Variants in ATXN1 observed in about 807,000 individuals in gnomAD.
ATXN1 encodes the protein ataxin-1.
Under a neutral mutation model 56.4 loss-of-function variants are expected in ATXN1, and 8 were observed. The observed-to-expected ratio is 0.14, with a 90% CI of 0.08 to 0.26. ATXN1 has a LOEUF of 0.26. ATXN1 is among the 10% of genes least tolerant of loss of function. The pLI, the probability that ATXN1 is intolerant of heterozygous loss-of-function variation, is 1.00. For synonymous variants in ATXN1, 514 were observed against 494.6 expected (o/e 1.04, Z -0.52); for missense variants, 987 against 1,106.5 (o/e 0.89, Z 1.53).
At chr6:16,559,512 T>C (rs1762076607) in intron 4 of ATXN1, among the ~76,000 whole-genome samples, 1 of 152,030 alleles carries the variant, frequency 6.6e-6, no homozygotes, top group Non-Finnish European at 1.5e-5. Flanking sequence ...CACTGTTAGG[T>C]GAAAAGAGGT....
At chr6:16,689,756 G>T (rs1759004756) in intron 2 of ATXN1, among the ~76,000 whole-genome samples, 1 of 151,720 alleles carries the variant, frequency 6.6e-6, no homozygotes, top group Non-Finnish European at 1.5e-5. Flanking sequence ...TTTTTATAAT[G>T]AAGACATTTA....
intron 3 of ATXN1, among the ~76,000 whole-genome samples, chr6:16,630,134 C>T (rs1411304165): frequency 6.6e-6 from 1 of 152,144 alleles, no homozygotes; most frequent in Non-Finnish European, 1.5e-5. Context: ...CTGAGGACTC[C>T]TCCTCTCAGG....
intron 6 of ATXN1, among the ~76,000 whole-genome samples, chr6:16,403,288 C>T (rs1225314400): frequency 1.3e-5 from 2 of 152,118 alleles, no homozygotes; most frequent in Non-Finnish European, 2.9e-5. Flanking sequence ...CCCAGGTCCT[C>T]GGCTTCTCAG....
chr6:16,748,778 A>T (rs1298285171), intron 2 of ATXN1, among the ~76,000 whole-genome samples: 1 of 152,174 alleles, frequency 6.6e-6, no homozygotes, highest in East Asian at 1.9e-4. Flanking sequence ...GATGAAAGTT[A>T]AATAAGTCAC....
chr6:16,478,126 G>A (rs1160907967), intron 6 of ATXN1, among the ~76,000 whole-genome samples: 2 of 152,188 alleles, frequency 1.3e-5, no homozygotes, highest in Non-Finnish European at 2.9e-5. Flanking sequence ...TGACAGTGAT[G>A]AGATACTGAT....
chr6:16,645,927 T>C (rs1763791487), intron 3 of ATXN1, among the ~76,000 whole-genome samples: 1 of 152,130 alleles, frequency 6.6e-6, no homozygotes, highest in African/African-American at 2.4e-5. Context: ...TGGTGCAAGA[T>C]GTATCTCCAA....
rs796095665 is a variant in ATXN1, at chr6:16,579,920, CA to C, written c.-361+5859del. 6.0e-5 allele frequency among the ~76,000 whole-genome samples: 9 copies of C among 149,776 alleles called. No homozygotes were observed. The East Asian group carries it at 9.8e-4, about 16-fold the overall frequency. Reference sequence around the variant, plus strand: ...GAGGGACAGCATATAATTGCCAACTCAAAAAAAAACTACCTTCCCAAATTTT... The same window carrying C: ...GAGGGACAGCATATAATTGCCAACTCAAAAAAAACTACCTTCCCAAATTTT... On this transcript the variant is annotated intron_variant, in intron 4 of 7. Coordinates refer to ENST00000436367, the MANE Select transcript of ATXN1 (RefSeq NM_001128164.2).
intron 3 of ATXN1, among the ~76,000 whole-genome samples, chr6:16,606,455 T>C (rs1238133416): frequency 1.3e-5 from 2 of 152,062 alleles, no homozygotes; most frequent in East Asian, 1.9e-4. Flanking sequence ...TCTGGAGCCA[T>C]GCAGGGGATA....
chr6:16,415,625 G>A (rs73724866), intron 6 of ATXN1, among the ~76,000 whole-genome samples: 20,225 of 152,284 alleles, frequency 0.13, 1,425 homozygotes, highest in Admixed American at 0.15. Context: ...AGCAGAGAAA[G>A]GGACCTGTGA....
At chr6:16,311,586 C>T (rs1760391411) in intron 7 of ATXN1, among the ~76,000 whole-genome samples, 1 of 152,184 alleles carries the variant, frequency 6.6e-6, no homozygotes, top group Non-Finnish European at 1.5e-5. Flanking sequence ...TTCAAAACTA[C>T]ATTTACATCA....
intron 4 of ATXN1, among the ~76,000 whole-genome samples, chr6:16,526,737 C>T (rs1427879715): frequency 6.7e-6 from 1 of 149,126 alleles, no homozygotes; most frequent in African/African-American, 2.5e-5. Context: ...TGCACTCCAG[C>T]CTGGGCAACA....
Position 16,300,781 on chromosome 6 carries a change from T to C in ATXN1, c.*5548A>G, listed in dbSNP as rs1234068369. 1 of 152,708 alleles carries C rather than the reference T, an allele frequency of 6.5e-6. No individual in the cohort carries two copies. The highest frequency in any genetic ancestry group is 2.4e-5 in the African/African-American group (1 of 41,564). 9.5% of individuals were successfully genotyped at this position (152,708 alleles called of 1,614,324 possible). ...TCTTTGGGTTTATAGGAACAGGAAG[T>C]GCTGAAAATGTCAAACATCATCTCT... On this transcript the variant is annotated 3_prime_UTR_variant, in exon 8 of 8. Coordinates refer to ENST00000436367, the MANE Select transcript of ATXN1 (RefSeq NM_001128164.2).
At chr6:16,535,907 TC>T (rs1214481147) in intron 4 of ATXN1, among the ~76,000 whole-genome samples, 1 of 152,146 alleles carries the variant, frequency 6.6e-6, no homozygotes, top group Non-Finnish European at 1.5e-5. Flanking sequence ...TTGTGGACTG[TC>T]CCTCAATTTG....
At chr6:16,397,259 GTTTTTTGT>G (rs1421507479) in intron 6 of ATXN1, among the ~76,000 whole-genome samples, 1 of 151,728 alleles carries the variant, frequency 6.6e-6, no homozygotes, top group Non-Finnish European at 1.5e-5. Flanking sequence ...TTTTTGTTTT[GTTTTTTGT>G]TTTTTTGTTT....
intron 4 of ATXN1, among the ~76,000 whole-genome samples, chr6:16,572,016 T>C (rs1762341171): frequency 6.6e-6 from 1 of 152,218 alleles, no homozygotes; most frequent in Non-Finnish European, 1.5e-5. Context: ...TGCAATGCTA[T>C]GTAAGTCATG....
intron 5 of ATXN1, among the ~76,000 whole-genome samples, chr6:16,519,110 T>C (rs1229429811): frequency 6.6e-6 from 1 of 152,180 alleles, no homozygotes; most frequent in Non-Finnish European, 1.5e-5. Context: ...AATGTCATGG[T>C]TACTATCTGC....
intron 6 of ATXN1, among the ~76,000 whole-genome samples, chr6:16,359,282 G>A (rs1465695571): frequency 2.0e-5 from 3 of 152,148 alleles, no homozygotes; most frequent in African/African-American, 4.8e-5. Context: ...GACCAGAGTG[G>A]GGACTCGTGG....
intron 6 of ATXN1, among the ~76,000 whole-genome samples, chr6:16,435,000 C>T (rs1279962685): frequency 1.3e-5 from 2 of 152,004 alleles, no homozygotes; most frequent in African/African-American, 2.4e-5. Context: ...AGAGTGCATT[C>T]GAAAGACACT....
chr6:16,705,417 G>A (rs1003471960), intron 2 of ATXN1, among the ~76,000 whole-genome samples: 1 of 152,086 alleles, frequency 6.6e-6, no homozygotes, highest in African/African-American at 2.4e-5. Flanking sequence ...AGTCACGGAG[G>A]CCGTTCCTGA....
Sources: gnomAD v4.1 joint callset for allele counts (sites outside exome capture counted in the v4.1 genomes callset) on GRCh38, gnomAD v4.1.1 for gene constraint, MANE v1.5 for transcripts, NCBI Gene and HGNC (gene_info 2026-07-23, HGNC 2026-07-21) for gene names.